The following PTPRD variants were observed in gnomAD, a reference collection of about 807,000 sequenced individuals.
PTPRD encodes protein tyrosine phosphatase receptor type D, also known as receptor-type tyrosine-protein phosphatase delta.
A neutral mutation model predicts 214.5 loss-of-function variants in PTPRD; 34 were observed. The ratio of observed to expected loss-of-function variants is 0.16; its 90% CI spans 0.12 to 0.21. PTPRD has a LOEUF of 0.21. Among genes scored for constraint, PTPRD ranks in the 10% least tolerant of loss-of-function variants. PTPRD has a pLI of 1.00. For synonymous variants in PTPRD, 1,128 were observed against 845.7 expected (o/e 1.33, Z -5.79); for missense variants, 2,545 against 2,398.7 (o/e 1.06, Z -1.27).
intron 2 of PTPRD, among the ~76,000 whole-genome samples, chr9:10,480,468 T>G (rs1301027421): frequency 6.6e-6 from 1 of 152,188 alleles, no homozygotes; most frequent in Non-Finnish European, 1.5e-5. Flanking sequence ...CAAACGCTAT[T>G]TTGGTGGCAA....
rs139885533 is a variant in PTPRD at position 9,231,967 on chromosome 9, A to G, written c.-202-48604T>C. Among the ~76,000 whole-genome samples, 864 of 152,250 alleles carry G rather than the reference A, an allele frequency of 5.7e-3. 9 individuals carry two copies. The highest frequency in any genetic ancestry group is 0.02 in the African/African-American group (817 of 41,568). ...CAGGAAACTGGTGGCATAGAATACA[A>G]TGGGACTGTCCAAAGGTGCATCTCC... On this transcript the variant is annotated intron_variant, in intron 9 of 45. Coordinates refer to ENST00000381196, the MANE Select transcript of PTPRD (RefSeq NM_002839.4).
At chr9:9,390,699 A>C (rs995428055) in intron 9 of PTPRD, among the ~76,000 whole-genome samples, 2 of 152,204 alleles carry the variant, frequency 1.3e-5, no homozygotes, top group East Asian at 3.9e-4. Context: ...CAACTGAAGC[A>C]GACTTAGTGT....
chr9:9,653,856 C>T (rs1461544435), intron 7 of PTPRD, among the ~76,000 whole-genome samples: 1 of 152,172 alleles, frequency 6.6e-6, no homozygotes, highest in Non-Finnish European at 1.5e-5. Flanking sequence ...GATTTATTTT[C>T]TTGCTCCCTT....
chr9:8,727,605 G>A (rs2098599107), intron 12 of PTPRD, among the ~76,000 whole-genome samples: 2 of 152,142 alleles, frequency 1.3e-5, no homozygotes, highest in African/African-American at 4.8e-5. Context: ...AAGAACTAGG[G>A]TAAGCAGAAA....
intron 11 of PTPRD, among the ~76,000 whole-genome samples, chr9:9,007,005 G>T (rs935200971): frequency 6.6e-5 from 10 of 151,976 alleles, no homozygotes; most frequent in African/African-American, 1.9e-4. Flanking sequence ...AACATTTAAT[G>T]ATTTGCCTAT....
chr9:8,990,704 G>T (rs1222247157), intron 11 of PTPRD, among the ~76,000 whole-genome samples: 3 of 152,076 alleles, frequency 2.0e-5, no homozygotes, highest in African/African-American at 4.8e-5. Flanking sequence ...TAAAGAAATT[G>T]ATGTACCTTG....
At chr9:8,821,779 C>G (rs1335268686) in intron 11 of PTPRD, among the ~76,000 whole-genome samples, 1 of 152,192 alleles carries the variant, frequency 6.6e-6, no homozygotes, top group East Asian at 1.9e-4. Context: ...AATTCTCTGC[C>G]TCAGCCTCCC....
Position 10,325,694 on chromosome 9 carries a change from C to A in PTPRD, c.-545+15269G>T, listed in dbSNP as rs191805482. Among the ~76,000 whole-genome samples, 32 of 151,920 alleles carry A rather than the reference C, an allele frequency of 2.1e-4. 1 individual carries two copies. The East Asian group carries it at 5.6e-3, about 27-fold the overall frequency. The stretch of plus-strand genomic sequence containing the variant: ...CAATAGCTACACCTTTCAAAACAAC[C>A]AAACTGCAGGCTGATTAAATTTGTT... On this transcript the variant is annotated intron_variant, in intron 3 of 45. Coordinates refer to ENST00000381196, the MANE Select transcript of PTPRD (RefSeq NM_002839.4).
chr9:10,115,358 C>G (rs2098722241), intron 3 of PTPRD, among the ~76,000 whole-genome samples: 1 of 152,050 alleles, frequency 6.6e-6, no homozygotes. Context: ...ATAGTGCATT[C>G]TGGCACATTC....
intron 3 of PTPRD, among the ~76,000 whole-genome samples, chr9:10,231,987 A>AGTGTGTGTGT (rs1352673296): frequency 0.013 from 1,277 of 97,568 alleles, 4 homozygotes; most frequent in Non-Finnish European, 0.019. Context: ...AGAGAGAGAG[A>AGTGTGTGTGT]GAGTGTGTGT....
intron 5 of PTPRD, among the ~76,000 whole-genome samples, chr9:9,860,275 C>T (rs2062439373): frequency 6.6e-6 from 1 of 152,176 alleles, no homozygotes; most frequent in African/African-American, 2.4e-5. Context: ...ATTACAAATT[C>T]AGCTACAAAA....
chr9:8,617,070 CT>C (rs574636432), intron 14 of PTPRD, among the ~76,000 whole-genome samples: 6 of 152,098 alleles, frequency 3.9e-5, no homozygotes, highest in South Asian at 4.1e-4. Context: ...TTTACAAATC[CT>C]TTTTTTCCCA....
chr9:8,813,497 G>A (rs10815954), intron 11 of PTPRD, among the ~76,000 whole-genome samples: 9 of 151,864 alleles, frequency 5.9e-5, no homozygotes, highest in African/African-American at 1.7e-4. Context: ...CAGCCTCCTC[G>A]GTACTTGTGA....
At chr9:8,693,453 C>T (rs925567021) in intron 12 of PTPRD, among the ~76,000 whole-genome samples, 1 of 152,210 alleles carries the variant, frequency 6.6e-6, no homozygotes, top group Non-Finnish European at 1.5e-5. Context: ...CAAATATAGG[C>T]ATTAAGGTGC....
At chr9:10,606,645 T>C (rs1010770567) in intron 2 of PTPRD, among the ~76,000 whole-genome samples, 1 of 151,776 alleles carries the variant, frequency 6.6e-6, no homozygotes, top group African/African-American at 2.4e-5. Flanking sequence ...ATCTAGGCCT[T>C]TATCTTAACT....
At chr9:9,361,402 C>A (rs2056097997) in intron 9 of PTPRD, among the ~76,000 whole-genome samples, 1 of 151,036 alleles carries the variant, frequency 6.6e-6, no homozygotes. Context: ...TTAGTATTAT[C>A]TTAGTGTCCT....
At chr9:8,436,739 T>C (rs766704126) in intron 34 of PTPRD, 50 bp from the exon 35 acceptor site, 3 of 1,402,812 alleles carry the variant, frequency 2.1e-6, no homozygotes, top group African/African-American at 1.4e-5. Context: ...ATGAAAATGA[T>C]GCTAACTATT....
chr9:10,154,803 T>C (rs1287931337), intron 3 of PTPRD, among the ~76,000 whole-genome samples: 2 of 152,140 alleles, frequency 1.3e-5, no homozygotes, highest in Admixed American at 1.3e-4. Flanking sequence ...TTCATTGGTC[T>C]ATATGCCTGT....
intron 5 of PTPRD, among the ~76,000 whole-genome samples, chr9:9,930,384 G>C (rs1294692027): frequency 6.6e-6 from 1 of 152,176 alleles, no homozygotes; most frequent in East Asian, 1.9e-4. Context: ...CAAGAACAGA[G>C]AAGTCTGAGA....
Sources: gnomAD v4.1 joint callset for allele counts (sites outside exome capture counted in the v4.1 genomes callset) on GRCh38, gnomAD v4.1.1 for gene constraint, MANE v1.5 for transcripts, NCBI Gene and HGNC (gene_info 2026-07-23, HGNC 2026-07-21) for gene names.